SYT9: variants seen among roughly 807,000 people sequenced by gnomAD.
SYT9 encodes the protein synaptotagmin 9.
In SYT9, 22 loss-of-function variants were observed where a neutral mutation model predicts 48.4. The observed-to-expected ratio is 0.45, with a 90% CI of 0.32 to 0.65. The LOEUF (loss-of-function observed/expected upper bound fraction) is 0.65. Ranked by LOEUF, SYT9 falls within the 30% of genes least tolerant of loss-of-function variation. The probability of loss-of-function intolerance (pLI) is 0.03; values close to 1 mark genes in which losing one functional copy is unlikely to be tolerated. For missense variants in SYT9, 577 were observed against 622.0 expected (o/e 0.93, Z 0.77); for synonymous variants, 265 against 245.0 (o/e 1.08, Z -0.76).
At chr11:7,265,860 T>G (rs1424789240) in intron 1 of SYT9, among the ~76,000 whole-genome samples, 1 of 152,118 alleles carries the variant, frequency 6.6e-6, no homozygotes, top group Non-Finnish European at 1.5e-5. Context: ...GTTCTTATTT[T>G]AGGATAACCA....
chr11:7,399,932 G>A (rs1020600141), intron 3 of SYT9, among the ~76,000 whole-genome samples: 2 of 148,656 alleles, frequency 1.3e-5, no homozygotes, highest in East Asian at 1.9e-4. Flanking sequence ...TTTTGCCCAC[G>A]GCAGGGAAGC....
At chr11:7,306,857 C>A (rs1589931281) in intron 2 of SYT9, among the ~76,000 whole-genome samples, 1 of 152,288 alleles carries the variant, frequency 6.6e-6, no homozygotes, top group Middle Eastern at 3.4e-3. Flanking sequence ...AGACTGAGTT[C>A]TGTGAGCTCA....
upstream of SYT9, among the ~76,000 whole-genome samples, chr11:7,247,698 A>ATG (rs1815633150): frequency 2.0e-5 from 3 of 149,312 alleles, no homozygotes. Context: ...ATATATATAT[A>ATG]TATCACAGTT....
chr11:7,284,049 G>T (rs1338915390), intron 1 of SYT9, among the ~76,000 whole-genome samples: 1 of 151,952 alleles, frequency 6.6e-6, no homozygotes, highest in African/African-American at 2.4e-5. Flanking sequence ...TTGGTATTTG[G>T]CTATTAACTT....
intron 1 of SYT9, among the ~76,000 whole-genome samples, chr11:7,282,541 G>C (rs1239647406): frequency 6.6e-6 from 1 of 152,150 alleles, no homozygotes. Context: ...AGGCTCCAAG[G>C]TGCTGATGAC....
chr11:7,279,888 AC>A lies in SYT9; in HGVS notation c.146-23150del, dbSNP rs559924359. On this transcript the variant is annotated intron_variant, in intron 1 of 6. Coordinates refer to ENST00000318881, the MANE Select transcript of SYT9 (RefSeq NM_175733.4). ...ACCCAAATGCCATCTGGTGACAGCC[AC>A]TTATGCTGCAAAAGCAGAGCTGATG... Among the ~76,000 whole-genome samples, 28 of 152,334 alleles carry A rather than the reference AC, an allele frequency of 1.8e-4. No homozygotes were observed. The East Asian group carries it at 5.4e-3, about 29-fold the overall frequency.
intron 1 of SYT9, among the ~76,000 whole-genome samples, chr11:7,297,871 T>G (rs997636021): frequency 2.0e-5 from 3 of 152,214 alleles, no homozygotes; most frequent in Admixed American, 6.5e-5. Context: ...TTATCTATGG[T>G]TTCTGGTGAA....
chr11:7,394,352 A>T (rs939424080), intron 3 of SYT9, among the ~76,000 whole-genome samples: 1 of 152,168 alleles, frequency 6.6e-6, no homozygotes, highest in Non-Finnish European at 1.5e-5. Flanking sequence ...TTCTTAATCT[A>T]GTCTATCATT....
chr11:7,351,821 G>C (rs566753142), intron 3 of SYT9, among the ~76,000 whole-genome samples: 1 of 152,332 alleles, frequency 6.6e-6, no homozygotes, highest in South Asian at 2.1e-4. Context: ...GTGACACTCA[G>C]GCCTGAGAGT....
In SYT9 at chr11:7,304,267, G is replaced by A. The variant is rs1418325601; in HGVS notation, c.497+877G>A. Among the ~76,000 whole-genome samples the A allele has an allele frequency of 3.9e-5, 6 of 152,162 alleles. No individual in the cohort carries two copies. In the East Asian group the frequency reaches 9.6e-4, roughly 24 times the overall value. On this transcript the variant is annotated intron_variant, in intron 2 of 6. Coordinates refer to ENST00000318881, the MANE Select transcript of SYT9 (RefSeq NM_175733.4). ...TTTTGCTGTTAGTATTGCTATTATG[G>A]CCTCTCCCAAGGCTCAGATGTTGCA...
chr11:7,289,233 T>C (rs1247293106), intron 1 of SYT9, among the ~76,000 whole-genome samples: 1 of 152,202 alleles, frequency 6.6e-6, no homozygotes, highest in African/African-American at 2.4e-5. Flanking sequence ...AAGGCAAAGA[T>C]CCTATCTAGG....
intron 6 of SYT9, among the ~76,000 whole-genome samples, chr11:7,432,105 G>A (rs1421434163): frequency 1.3e-5 from 2 of 152,194 alleles, no homozygotes; most frequent in Non-Finnish European, 1.5e-5. Flanking sequence ...AAAGCCACAG[G>A]TATTCAACCC....
rs891773613 is a variant in SYT9 at position 7,468,597 on chromosome 11, G to T, written c.*1797G>T. 4 of 312,872 alleles carry T rather than the reference G, an allele frequency of 1.3e-5. No homozygotes were observed. Among genetic ancestry groups the T allele is most frequent in the Non-Finnish European group, 2.3e-5 (4 of 172,350 alleles). The allele number at this position is 312,872 out of a possible 1,614,324, so 19.4% of individuals were successfully genotyped here. A position where few individuals can be genotyped will look rare whatever the true frequency, so the allele number is the denominator to read the frequency against. ...AGGATAGTTAGCAGAAATATTGTCT[G>T]TAAAGCTAGGCAGATGAGCCCAGAA... On this transcript the variant is annotated 3_prime_UTR_variant, in exon 7 of 7. Transcript: ENST00000318881.
intron 3 of SYT9, among the ~76,000 whole-genome samples, chr11:7,328,596 A>G (rs1849476728): frequency 1.3e-5 from 2 of 152,122 alleles, no homozygotes; most frequent in African/African-American, 4.8e-5. Flanking sequence ...TTTTACTCCT[A>G]TCTTGCCGTG....
At chr11:7,352,367 A>C (rs777609360) in intron 3 of SYT9, among the ~76,000 whole-genome samples, 7 of 152,170 alleles carry the variant, frequency 4.6e-5, no homozygotes, top group African/African-American at 1.4e-4. Flanking sequence ...CAATATCTAC[A>C]CTGGGCTTGA....
At chr11:7,285,593 A>C (rs928804949) in intron 1 of SYT9, among the ~76,000 whole-genome samples, 1 of 152,150 alleles carries the variant, frequency 6.6e-6, no homozygotes, top group Non-Finnish European at 1.5e-5. Flanking sequence ...AAACACAATC[A>C]TGCCCTTCCA....
At position 7,252,379 on chromosome 11, in the gene SYT9, G is replaced by T; in HGVS notation, c.145+48G>T. 7.2e-7 allele frequency: 1 copy of T among 1,383,536 alleles called. No homozygotes were observed. Among genetic ancestry groups the T allele is most frequent in the East Asian group, 3.1e-5 (1 of 32,618 alleles). The allele number at this position is 1,383,536 out of a possible 1,614,324, so 85.7% of individuals were successfully genotyped here. ...GGAGGGACCTAAGGGCCCTGGGCTG[G>T]GACTTGGGGCCGCACCGGGGCCTGA... On this transcript the variant is annotated intron_variant, in intron 1 of 6. Transcript: ENST00000318881. The surrounding 1 kb of genome is among the most constrained non-coding windows in gnomAD (Gnocchi z 6.3).
At chr11:7,342,941 A>G (rs1849739027) in intron 3 of SYT9, among the ~76,000 whole-genome samples, 1 of 152,214 alleles carries the variant, frequency 6.6e-6, no homozygotes, top group Non-Finnish European at 1.5e-5. Context: ...GAAGTTGCCA[A>G]GGCTTGGGGA....
intron 6 of SYT9, among the ~76,000 whole-genome samples, chr11:7,459,818 G>A (rs1172614383): frequency 2.0e-5 from 3 of 152,132 alleles, no homozygotes; most frequent in Non-Finnish European, 4.4e-5. Context: ...GAGTGATGCA[G>A]CTATAAGCGA....
Sources: gnomAD v4.1 joint callset for allele counts (sites outside exome capture counted in the v4.1 genomes callset) on GRCh38, gnomAD v4.1.1 for gene constraint, Gnocchi (gnomAD v3.1) non-coding constraint, MANE v1.5 for transcripts, NCBI Gene and HGNC (gene_info 2026-07-23, HGNC 2026-07-21) for gene names.